The following CHRNA7 variants were observed in gnomAD, a reference collection of about 807,000 sequenced individuals.
The protein encoded by CHRNA7 is cholinergic receptor nicotinic alpha 7 subunit, also known as neuronal acetylcholine receptor subunit alpha-7.
A neutral mutation model predicts 48.0 loss-of-function variants in CHRNA7; 17 were observed. That is an observed-to-expected ratio of 0.35 (90% confidence interval 0.24 to 0.53). The LOEUF is 0.53. CHRNA7 is among the 20% of genes least tolerant of loss of function. The pLI is 0.92. For synonymous variants in CHRNA7, 75 were observed against 242.3 expected, an observed-to-expected ratio of 0.31 and a Z score of 6.41; for missense variants, 155 against 577.7, an observed-to-expected ratio of 0.27 and a Z score of 7.50.
chr15:32,135,521 C>T (rs2051239905), intron 4 of CHRNA7, among the ~76,000 whole-genome samples: 1 of 152,192 alleles, frequency 6.6e-6, no homozygotes, highest in African/African-American at 2.4e-5. Context: ...CATCTATCAG[C>T]TGCTTACGGT....
chr15:32,062,231 ACTCTCTAC>A (rs1485045383), intron 2 of CHRNA7, among the ~76,000 whole-genome samples: 1 of 152,108 alleles, frequency 6.6e-6, no homozygotes, highest in East Asian at 1.9e-4. Flanking sequence ...TTCTCTGTTC[ACTCTCTAC>A]CTCCACTACC....
intron 4 of CHRNA7, among the ~76,000 whole-genome samples, chr15:32,134,102 C>T (rs1195957750): frequency 1.3e-5 from 2 of 152,018 alleles, no homozygotes; most frequent in African/African-American, 4.8e-5. Flanking sequence ...TCTCCTGCGT[C>T]CTCCTCCCTC....
chr15:32,061,679 G>C lies in CHRNA7; in HGVS notation c.195+30642G>C, dbSNP rs559604595. 1.6e-4 allele frequency among the ~76,000 whole-genome samples: 24 copies of C among 152,196 alleles called. No individual in the cohort carries two copies. The East Asian group carries it at 4.1e-3, about 26-fold the overall frequency. On this transcript the variant is annotated intron_variant, in intron 2 of 9. Transcript: ENST00000306901. ...AGAGATTAGCCGGGCGTGGTGGCAGGTGCCTGTAGTCCCAGCTACTGGGGA... is the reference window on the plus strand; with the variant it reads ...AGAGATTAGCCGGGCGTGGTGGCAGCTGCCTGTAGTCCCAGCTACTGGGGA...
intron 4 of CHRNA7, among the ~76,000 whole-genome samples, chr15:32,144,548 A>G (rs2051447966): frequency 6.6e-6 from 1 of 152,204 alleles, no homozygotes. Flanking sequence ...ACTTTCAGGT[A>G]CACCAATCAA....
chr15:32,095,423 TTAATA>T (rs761716515), intron 2 of CHRNA7, among the ~76,000 whole-genome samples: 20 of 152,358 alleles, frequency 1.3e-4, no homozygotes, highest in Non-Finnish European at 7.3e-5. Flanking sequence ...AGTAATTCAC[TTAATA>T]TAATAAGGCC....
chr15:32,143,018 CA>C (rs2051413671), intron 4 of CHRNA7, among the ~76,000 whole-genome samples: 1 of 152,062 alleles, frequency 6.6e-6, no homozygotes, highest in Non-Finnish European at 1.5e-5. Flanking sequence ...GTTAGGATGT[CA>C]ATTTTAGATC....
At chr15:32,067,282 C>T (rs1465251501) in intron 2 of CHRNA7, among the ~76,000 whole-genome samples, 4 of 152,182 alleles carry the variant, frequency 2.6e-5, no homozygotes, top group African/African-American at 9.7e-5. Flanking sequence ...CAGGAGAGAA[C>T]CAACTCATCA....
chr15:32,062,584 AATTG>A (rs1397394670), intron 2 of CHRNA7, among the ~76,000 whole-genome samples: 1 of 151,986 alleles, frequency 6.6e-6, no homozygotes, highest in Non-Finnish European at 1.5e-5. Context: ...CTTGAATGTA[AATTG>A]ATTGTTTCCT....
At chr15:32,140,569 C>T (rs564139711) in intron 4 of CHRNA7, among the ~76,000 whole-genome samples, 1 of 152,176 alleles carries the variant, frequency 6.6e-6, no homozygotes, top group Non-Finnish European at 1.5e-5. Flanking sequence ...TCTCCACATC[C>T]TCTCTAGCAT....
intron 2 of CHRNA7, among the ~76,000 whole-genome samples, chr15:32,052,197 ATTTTTT>A (rs34316175): frequency 6.8e-6 from 1 of 146,634 alleles, no homozygotes; most frequent in African/African-American, 2.5e-5. Flanking sequence ...CTTAAGCATG[ATTTTTT>A]TTTTTTTTTT....
Position 32,091,725 on chromosome 15 carries a change from C to G in CHRNA7, c.196-9578C>G, listed in dbSNP as rs537809791. 4.3e-4 allele frequency among the ~76,000 whole-genome samples: 65 copies of G among 152,268 alleles called. No homozygotes were observed. In the South Asian group the frequency reaches 0.013, roughly 30 times the overall value. On this transcript the variant is annotated intron_variant, in intron 2 of 9. Coordinates refer to ENST00000306901, the MANE Select transcript of CHRNA7 (RefSeq NM_000746.6). ...GTCCCACTTAGGCATTGTTTAGGCT[C>G]TCTGTGAATAACACTGGCCACTGGT... is the stretch of plus-strand genomic sequence containing the variant.
At chr15:32,051,481 C>T (rs1043318125) in intron 2 of CHRNA7, among the ~76,000 whole-genome samples, 3 of 152,196 alleles carry the variant, frequency 2.0e-5, no homozygotes, top group African/African-American at 7.2e-5. Context: ...TCCTGGTGTG[C>T]CGTTTCCGAA....
rs2052410624 is a variant in CHRNA7, at chr15:32,170,889, T to C, written c.*2431T>C. Reference sequence around the variant, plus strand: ...GGCGCTGCACCTTGCATTCTTCATGTGGTGTTTTGTCTTAGAGGTCGTCCC... The same window carrying C: ...GGCGCTGCACCTTGCATTCTTCATGCGGTGTTTTGTCTTAGAGGTCGTCCC... On this transcript the variant is annotated 3_prime_UTR_variant, in exon 10 of 10. Coordinates refer to ENST00000306901, the MANE Select transcript of CHRNA7 (RefSeq NM_000746.6). 3.3e-5 allele frequency: 1 copy of C among 30,598 alleles called. No homozygotes were observed. The highest frequency in any genetic ancestry group is 8.3e-5 in the Non-Finnish European group (1 of 12,112). 1.9% of individuals were successfully genotyped at this position (30,598 alleles called of 1,614,324 possible). A position where few individuals can be genotyped will look rare whatever the true frequency, so the allele number is the denominator to read the frequency against.
chr15:32,143,079 C>T (rs1045256697), intron 4 of CHRNA7, among the ~76,000 whole-genome samples: 1 of 152,216 alleles, frequency 6.6e-6, no homozygotes, highest in Non-Finnish European at 1.5e-5. Context: ...TCCCTCTACA[C>T]ACTACTTTGA....
intron 4 of CHRNA7, among the ~76,000 whole-genome samples, chr15:32,113,752 TAATC>T (rs547512109): frequency 2.0e-5 from 3 of 151,958 alleles, no homozygotes; most frequent in Admixed American, 1.3e-4. Flanking sequence ...TAGAAAAAAA[TAATC>T]AATGTTTTTC....
chr15:32,042,178 TATG>T (rs2049461371), intron 2 of CHRNA7, among the ~76,000 whole-genome samples: 1 of 152,120 alleles, frequency 6.6e-6, no homozygotes, highest in Non-Finnish European at 1.5e-5. Flanking sequence ...TCTATACTCC[TATG>T]ATTAGGTCTC....
intron 2 of CHRNA7, among the ~76,000 whole-genome samples, chr15:32,039,978 G>T (rs1482563012): frequency 6.6e-6 from 1 of 152,084 alleles, no homozygotes; most frequent in Non-Finnish European, 1.5e-5. Context: ...TGTAGAACTG[G>T]TCTTTTTATC....
At chr15:32,137,312 A>G (rs1220297307) in intron 4 of CHRNA7, among the ~76,000 whole-genome samples, 4 of 133,612 alleles carry the variant, frequency 3.0e-5, no homozygotes, top group African/African-American at 1.1e-4. Flanking sequence ...CAAAAATAAA[A>G]TGTGAGTGGC....
At chr15:32,119,993 G>A (rs185650887) in intron 4 of CHRNA7, among the ~76,000 whole-genome samples, 63 of 152,284 alleles carry the variant, frequency 4.1e-4, no homozygotes, top group African/African-American at 1.4e-3. Context: ...CTACTTGCCC[G>A]CAGCTCCTGG....
Sources: allele counts gnomAD v4.1 joint callset (sites outside exome capture counted in the v4.1 genomes callset), GRCh38; gene constraint gnomAD v4.1.1; transcripts MANE v1.5; gene names NCBI Gene and HGNC (gene_info 2026-07-23, HGNC 2026-07-21).